Variants in TBCK observed in about 807,000 individuals in gnomAD.
TBCK encodes the protein TBC1 domain containing kinase.
TBCK carries 99 observed loss-of-function variants against 113.4 expected under a neutral mutation model. The observed-to-expected ratio is 0.87, with a 90% CI of 0.74 to 1.03. The LOEUF (loss-of-function observed/expected upper bound fraction) is 1.03, where lower values mean the gene tolerates loss of function less well. Among genes scored for constraint, TBCK ranks in the 50% least tolerant of loss-of-function variants. The pLI, the probability that TBCK is intolerant of heterozygous loss-of-function variation, is 0.00. For synonymous variants in TBCK, 369 were observed against 370.8 expected (o/e 1.00, Z 0.05); for missense variants, 1,045 against 1,061.3 (o/e 0.98, Z 0.21).
intron 19 of TBCK, among the ~76,000 whole-genome samples, chr4:106,228,553 T>C (rs780650330): frequency 6.6e-6 from 1 of 151,970 alleles, no homozygotes; most frequent in Non-Finnish European, 1.5e-5. Context: ...GTTCCAACCA[T>C]GTTGTTGAAA....
chr4:106,079,213 TATC>T (rs1020114256), intron 25 of TBCK, among the ~76,000 whole-genome samples: 1 of 152,036 alleles, frequency 6.6e-6, no homozygotes, highest in African/African-American at 2.4e-5. Context: ...CCACAGCCAA[TATC>T]ATAATAAACA....
At chr4:106,188,876 A>G (rs1753339679) in intron 22 of TBCK, among the ~76,000 whole-genome samples, 1 of 152,190 alleles carries the variant, frequency 6.6e-6, no homozygotes, top group Non-Finnish European at 1.5e-5. Flanking sequence ...TTACAATTTC[A>G]GAGTCTTCAT....
At chr4:106,080,330 T>TTC (rs2149490823) in intron 25 of TBCK, among the ~76,000 whole-genome samples, 1 of 152,082 alleles carries the variant, frequency 6.6e-6, no homozygotes, top group South Asian at 2.1e-4. Flanking sequence ...GAAACAGACA[T>TTC]AGACTCATGG....
chr4:106,246,334 ATGACT>A (rs1404068485), intron 10 of TBCK, among the ~76,000 whole-genome samples: 2 of 152,212 alleles, frequency 1.3e-5, no homozygotes, highest in African/African-American at 4.8e-5. Flanking sequence ...ATTTTCTGCT[ATGACT>A]TAAGTCATAA....
chr4:106,106,884 C>T (rs1385032786), intron 24 of TBCK, among the ~76,000 whole-genome samples: 1 of 152,062 alleles, frequency 6.6e-6, no homozygotes, highest in South Asian at 2.1e-4. Flanking sequence ...ATGCTCTCTT[C>T]AAGAGACTAT....
At chr4:106,274,628 T>C (rs1267251355) in intron 3 of TBCK, among the ~76,000 whole-genome samples, 1 of 152,154 alleles carries the variant, frequency 6.6e-6, no homozygotes, top group Non-Finnish European at 1.5e-5. Context: ...GGTAGGTAAA[T>C]TCATACAGGA....
chr4:106,154,223 G>T (rs1748863687), intron 23 of TBCK, among the ~76,000 whole-genome samples: 2 of 151,714 alleles, frequency 1.3e-5, no homozygotes, highest in Non-Finnish European at 2.9e-5. Flanking sequence ...TGTATCTGTG[G>T]TGTGTTTTTT....
In TBCK at chr4:106,096,776, G is replaced by T. The variant is rs182827291; in HGVS notation, c.2412-1135C>A. 4.6e-5 allele frequency among the ~76,000 whole-genome samples: 7 copies of T among 152,246 alleles called. No homozygotes were observed. The East Asian group carries it at 1.2e-3, about 25-fold the overall frequency. ...AAAATCAGAAATAAAAGACATAAAA[G>T]ATAATGCTCAGACTGTGTTAAGCTT... On this transcript the variant is annotated intron_variant, in intron 24 of 25. Transcript: ENST00000394708.
intron 15 of TBCK, 140 bp from the exon 16 acceptor site, chr4:106,233,790 C>A: frequency 3.2e-6 from 2 of 616,688 alleles, no homozygotes; most frequent in South Asian, 2.4e-5. Flanking sequence ...CAGGGTAGAA[C>A]TCATCTTAAG....
At chr4:106,090,387 C>T (rs1331220545) in intron 25 of TBCK, among the ~76,000 whole-genome samples, 5 of 152,172 alleles carry the variant, frequency 3.3e-5, no homozygotes, top group African/African-American at 9.6e-5. Flanking sequence ...CCCTAGGCCT[C>T]TAGGCCTGTG....
chr4:106,266,840 T>C (rs11943530), intron 3 of TBCK, among the ~76,000 whole-genome samples: 2,042 of 152,066 alleles, frequency 0.013, 52 homozygotes, highest in African/African-American at 0.046. Context: ...TTTTAAGTTA[T>C]ATTCTTTAAT....
intron 3 of TBCK, among the ~76,000 whole-genome samples, chr4:106,279,416 T>C (rs1476573401): frequency 6.6e-6 from 1 of 152,204 alleles, no homozygotes; most frequent in Non-Finnish European, 1.5e-5. Context: ...ATAAATGGGT[T>C]ATCCATTACC....
rs1366726374 is a variant in TBCK, at chr4:106,069,113, T to C, written c.2572-22433A>G. ...ATAGGTTGCCTGTTCACTCTGATGG[T>C]AGTTTCTTTTGCTGTGCAGAAGCTC... On this transcript the variant is annotated intron_variant, in intron 25 of 25. Transcript: ENST00000394708. 2.0e-5 allele frequency among the ~76,000 whole-genome samples: 3 copies of C among 152,344 alleles called. No homozygotes were observed. In the East Asian group the frequency reaches 5.8e-4, roughly 29 times the overall value.
intron 25 of TBCK, among the ~76,000 whole-genome samples, chr4:106,050,681 G>A (rs535312986): frequency 5.9e-5 from 9 of 151,992 alleles, no homozygotes; most frequent in Non-Finnish European, 1.2e-4. Flanking sequence ...TGCCACTAAG[G>A]CCCACTATAG....
At chr4:106,278,625 A>AT (rs920280409) in intron 3 of TBCK, among the ~76,000 whole-genome samples, 1 of 151,258 alleles carries the variant, frequency 6.6e-6, no homozygotes, top group Admixed American at 6.6e-5. Flanking sequence ...ATGGAAAAGA[A>AT]TTTTTTCTTC....
At chr4:106,173,043 A>G (rs1751220380) in intron 22 of TBCK, among the ~76,000 whole-genome samples, 1 of 152,176 alleles carries the variant, frequency 6.6e-6, no homozygotes, top group Non-Finnish European at 1.5e-5. Flanking sequence ...TCAATTAGGC[A>G]TTCCTTAGTG....
intron 24 of TBCK, among the ~76,000 whole-genome samples, chr4:106,102,093 CA>C (rs1266863735): frequency 1.3e-5 from 2 of 152,192 alleles, no homozygotes; most frequent in Non-Finnish European, 2.9e-5. Flanking sequence ...GTGATTTCAA[CA>C]AAAACTGTTG....
chr4:106,171,557 T>C (rs2149739443), intron 22 of TBCK, among the ~76,000 whole-genome samples: 1 of 152,266 alleles, frequency 6.6e-6, no homozygotes, highest in Non-Finnish European at 1.5e-5. Context: ...TGTATATATT[T>C]CAGAGTATCA....
At chr4:106,191,189 C>T (rs1322884359) in intron 22 of TBCK, among the ~76,000 whole-genome samples, 8 of 152,020 alleles carry the variant, frequency 5.3e-5, no homozygotes, top group Non-Finnish European at 8.8e-5. Context: ...TAGAAGTTAT[C>T]GCGAGATGAT....
Sources: gnomAD v4.1 joint callset for allele counts (sites outside exome capture counted in the v4.1 genomes callset) on GRCh38, gnomAD v4.1.1 for gene constraint, MANE v1.5 for transcripts, NCBI Gene and HGNC (gene_info 2026-07-23, HGNC 2026-07-21) for gene names.